The following GKAP1 variants were observed in gnomAD, a reference collection of about 807,000 sequenced individuals.
GKAP1 encodes G kinase anchoring protein 1, also known as G kinase-anchoring protein 1.
In GKAP1, 31 loss-of-function variants were observed where a neutral mutation model predicts 56.7. That is an observed-to-expected ratio of 0.55 (90% CI 0.41 to 0.74). GKAP1 has a LOEUF of 0.74. Among genes scored for constraint, GKAP1 ranks in the 30% least tolerant of loss-of-function variants. The pLI is 0.00. For synonymous variants in GKAP1, 151 were observed against 138.6 expected, an observed-to-expected ratio of 1.09 and a Z score of -0.63; for missense variants, 364 against 402.3, an observed-to-expected ratio of 0.90 and a Z score of 0.82.
chr9:83,815,070 G>A (rs1485747796), intron 2 of GKAP1, among the ~76,000 whole-genome samples: 1 of 152,158 alleles, frequency 6.6e-6, no homozygotes, highest in Non-Finnish European at 1.5e-5. Flanking sequence ...TACTCGGGAG[G>A]CTGAGGCAGG....
chr9:83,771,047 C>T (rs1462414595), intron 7 of GKAP1, among the ~76,000 whole-genome samples: 1 of 152,088 alleles, frequency 6.6e-6, no homozygotes, highest in Non-Finnish European at 1.5e-5. Flanking sequence ...TCCTCTCACT[C>T]ATTGGTTTCA....
intron 4 of GKAP1, among the ~76,000 whole-genome samples, chr9:83,794,049 T>TC (rs1254835521): frequency 6.6e-6 from 1 of 152,096 alleles, no homozygotes; most frequent in Non-Finnish European, 1.5e-5. Flanking sequence ...GTGCCTGTAG[T>TC]CCCAGCTACT....
At chr9:83,812,187 A>C (rs1417722408) in intron 2 of GKAP1, among the ~76,000 whole-genome samples, 2 of 150,094 alleles carry the variant, frequency 1.3e-5, no homozygotes, top group African/African-American at 4.9e-5. Context: ...ATATAAATAT[A>C]TATATACACA....
At chr9:83,798,021 C>A (rs1477352389) in intron 4 of GKAP1, among the ~76,000 whole-genome samples, 1 of 152,176 alleles carries the variant, frequency 6.6e-6, no homozygotes, top group East Asian at 1.9e-4. Flanking sequence ...CCTGGAACTG[C>A]CATTTGAACA....
intron 8 of GKAP1, among the ~76,000 whole-genome samples, chr9:83,763,078 A>T (rs1943601896): frequency 6.6e-6 from 1 of 152,222 alleles, no homozygotes; most frequent in African/African-American, 2.4e-5. Flanking sequence ...AAAATGTGGT[A>T]TTTATACACG....
intron 4 of GKAP1, chr9:83,793,076 A>T (rs1944189217): frequency 2.4e-6 from 2 of 845,748 alleles, no homozygotes; most frequent in South Asian, 3.3e-5. Flanking sequence ...TCAGTTAAAG[A>T]GTATGAAGAA....
chr9:83,810,722 T>C (rs1452495521), intron 2 of GKAP1, among the ~76,000 whole-genome samples: 2 of 152,242 alleles, frequency 1.3e-5, no homozygotes. Flanking sequence ...CTTGAGTTGT[T>C]GTAAAGACTG....
rs564119224 is a variant in GKAP1, at chr9:83,784,906, A to C, written c.439-68T>G. 29 of 1,185,554 alleles carry C rather than the reference A, an allele frequency of 2.4e-5. No homozygotes were observed. In the Middle Eastern group the frequency reaches 8.3e-4, roughly 34 times the overall value. 73.4% of individuals were successfully genotyped at this position (1,185,554 alleles called of 1,614,324 possible). A position where few individuals can be genotyped will look rare whatever the true frequency, so the allele number is the denominator to read the frequency against. On this transcript the variant is annotated intron_variant, in intron 5 of 12. Transcript: ENST00000376371. ...TGTAAAATAAACTCACCAACAGGTA[A>C]TATGTTTCTTAAAGTTTATTTTTTA...
At chr9:83,813,912 G>C (rs1005592265) in intron 2 of GKAP1, among the ~76,000 whole-genome samples, 1 of 152,106 alleles carries the variant, frequency 6.6e-6, no homozygotes, top group Non-Finnish European at 1.5e-5. Flanking sequence ...ATCAGCTAGG[G>C]AAACATGGCA....
intron 12 of GKAP1, among the ~76,000 whole-genome samples, chr9:83,740,208 G>A (rs1410531081): frequency 2.0e-5 from 3 of 151,988 alleles, no homozygotes; most frequent in Non-Finnish European, 2.9e-5. Flanking sequence ...GTTCATTAGT[G>A]GATTGAAAAC....
chr9:83,747,052 A>G (rs1474484570), intron 10 of GKAP1, among the ~76,000 whole-genome samples: 1 of 152,178 alleles, frequency 6.6e-6, no homozygotes, highest in Non-Finnish European at 1.5e-5. Context: ...TAACAGGAAA[A>G]CTGTTGATTA....
chr9:83,794,178 T>C (rs1187392551), intron 4 of GKAP1, among the ~76,000 whole-genome samples: 2 of 151,914 alleles, frequency 1.3e-5, no homozygotes, highest in African/African-American at 2.4e-5. Context: ...AAAAAATATA[T>C]GAAAATTAAA....
chr9:83,771,925 C>CCAT (rs1008464691), intron 7 of GKAP1, among the ~76,000 whole-genome samples: 2 of 152,040 alleles, frequency 1.3e-5, no homozygotes, highest in African/African-American at 4.8e-5. Context: ...GCTCCCATTA[C>CCAT]CATCACATCA....
chr9:83,771,191 T>C (rs1178229699), intron 7 of GKAP1, among the ~76,000 whole-genome samples: 4 of 152,052 alleles, frequency 2.6e-5, no homozygotes, highest in Non-Finnish European at 4.4e-5. Context: ...GCCTCCCAAA[T>C]AGCTGGGATT....
At chr9:83,756,998 A>T (rs1434163650) in intron 8 of GKAP1, among the ~76,000 whole-genome samples, 1 of 152,224 alleles carries the variant, frequency 6.6e-6, no homozygotes, top group African/African-American at 2.4e-5. Flanking sequence ...AATGAGGATG[A>T]AAAGATGTAC....
chr9:83,810,058 C>CGTA (rs953780081), intron 2 of GKAP1, among the ~76,000 whole-genome samples: 1 of 152,128 alleles, frequency 6.6e-6, no homozygotes, highest in African/African-American at 2.4e-5. Flanking sequence ...GTGATCCTAC[C>CGTA]GCCTTAGCCT....
chr9:83,761,843 TA>T lies in GKAP1; in HGVS notation c.738+6974del, dbSNP rs1943577373. Among the ~76,000 whole-genome samples, 3 of 152,266 alleles carry T rather than the reference TA, an allele frequency of 2.0e-5. No individual in the cohort carries two copies. The South Asian group carries it at 6.2e-4, about 32-fold the overall frequency. On this transcript the variant is annotated intron_variant, in intron 8 of 12. Coordinates refer to ENST00000376371, the MANE Select transcript of GKAP1 (RefSeq NM_025211.4). Reference sequence around the variant, plus strand: ...CAATTGATGCTGAAAAAGCATTTGATAAAATTCAACATCGCTTCATGATAAA... The same window carrying T: ...CAATTGATGCTGAAAAAGCATTTGATAAATTCAACATCGCTTCATGATAAA...
chr9:83,779,442 TATA>T (rs1325340513), intron 7 of GKAP1, among the ~76,000 whole-genome samples: 2 of 69,150 alleles, frequency 2.9e-5, no homozygotes, highest in East Asian at 9.8e-4. Context: ...TATATATATA[TATA>T]TATACACACA....
At position 83,769,621 on chromosome 9, in the gene GKAP1, T is replaced by C. The variant is rs540711188; in HGVS notation, c.586-651A>G. Among the ~76,000 whole-genome samples the C allele has an allele frequency of 3.9e-5, 6 of 152,354 alleles. No homozygotes were observed. The South Asian group carries it at 1.2e-3, about 32-fold the overall frequency. On this transcript the variant is annotated intron_variant, in intron 7 of 12. Transcript: ENST00000376371. ...ATTCTACATTTTATTTCTCCATTTG[T>C]TGGTTGATAGACATTTGGGTTGTTG...
Sources: gnomAD v4.1 joint callset for allele counts (sites outside exome capture counted in the v4.1 genomes callset) on GRCh38, gnomAD v4.1.1 for gene constraint, MANE v1.5 for transcripts, NCBI Gene and HGNC (gene_info 2026-07-23, HGNC 2026-07-21) for gene names.